The following PKD1L1 variants were observed in gnomAD, a reference collection of about 807,000 sequenced individuals.
The protein encoded by PKD1L1 is polycystin 1 like 1, transient receptor potential channel interacting.
Under a neutral mutation model 323.4 loss-of-function variants are expected in PKD1L1, and 236 were observed. The observed-to-expected ratio is 0.73, with a 90% CI of 0.66 to 0.81. PKD1L1 has a LOEUF of 0.81. Ranked by LOEUF, PKD1L1 falls within the 40% of genes least tolerant of loss-of-function variation. PKD1L1 has a pLI of 0.00. For synonymous variants in PKD1L1, 1,344 were observed against 1,335.0 expected (o/e 1.01, Z -0.15); for missense variants, 3,320 against 3,508.0 (o/e 0.95, Z 1.35).
intron 31 of PKD1L1, among the ~76,000 whole-genome samples, 174 bp from the exon 32 acceptor site, chr7:47,847,245 G>A (rs575056982): frequency 6.6e-6 from 1 of 152,238 alleles, no homozygotes; most frequent in Non-Finnish European, 1.5e-5. Context: ...ATTTAAATTT[G>A]GATTAAATCC....
At chr7:47,879,406 T>G (rs1206519401) in intron 21 of PKD1L1, among the ~76,000 whole-genome samples, 1 of 151,966 alleles carries the variant, frequency 6.6e-6, no homozygotes, top group African/African-American at 2.4e-5. Flanking sequence ...GGCAGGTGGA[T>G]CGCTCACTTG....
chr7:47,922,486 C>G (rs939463063), intron 7 of PKD1L1, among the ~76,000 whole-genome samples: 117 of 151,888 alleles, frequency 7.7e-4, no homozygotes, highest in Non-Finnish European at 1.4e-3. Flanking sequence ...GCCCGGCTGC[C>G]CATCGTCTGG....
intron 56 of PKD1L1, 68 bp from the exon 57 acceptor site, chr7:47,775,234 G>A: frequency 6.3e-7 from 1 of 1,589,538 alleles, no homozygotes; most frequent in Admixed American, 1.7e-5. Context: ...GAACAAATAG[G>A]CAGAAAGGCA....
intron 12 of PKD1L1, among the ~76,000 whole-genome samples, 160 bp downstream of exon 12, chr7:47,904,218 C>T (rs1237115555): frequency 2.0e-5 from 3 of 152,196 alleles, no homozygotes; most frequent in East Asian, 3.8e-4. Context: ...CTAGGAGCTC[C>T]TTGAGAAGCA....
chr7:47,836,924 C>T lies in PKD1L1; in HGVS notation c.5940G>A (p.Glu1980=). The change falls in exon 37 of 57, where the codon GAG becomes GAA. Residue 1980 remains glutamate, a synonymous_variant. Transcript: ENST00000289672. ...LTALVAAGGQ[E]QPHLDVSPTL... is the part of the protein sequence containing the mutation. The stretch of plus-strand genomic sequence containing the variant: ...AAGGAAAAGCGATGGCTCTCACCTG[C>T]TCTTGCCCTCCAGCAGCAACCAGGG... The T allele has an allele frequency of 2.5e-6, 4 of 1,613,562 alleles. No individual in the cohort carries two copies. Among genetic ancestry groups the T allele is most frequent in the Non-Finnish European group, 3.4e-6 (4 of 1,179,860 alleles).
rs776179207 is a variant in PKD1L1 at position 47,854,990 on chromosome 7, T to C, written c.4751A>G (p.Asn1584Ser). Residue 1584 changes from asparagine (N) to serine (S), a missense_variant, in exon 30 of 57, where the codon AAT (asparagine) becomes AGT (serine). Physicochemically the swap from Asn to Ser is conservative, Grantham distance 46. Coordinates refer to ENST00000289672, the MANE Select transcript of PKD1L1 (RefSeq NM_138295.5). ...GGAAAGCTCAGTGAACTGATGGAGATTCACTTTATCCCGAAGTAATACAAA... is the reference window on the plus strand; with the variant it reads ...GGAAAGCTCAGTGAACTGATGGAGACTCACTTTATCCCGAAGTAATACAAA... ...TTFVLLRDKV[N>S]LHQFTELSEN... 2.2e-5 allele frequency: 35 copies of C among 1,613,944 alleles called. No homozygotes were observed. Among genetic ancestry groups the C allele is most frequent in the Non-Finnish European group, 2.8e-5 (33 of 1,180,008 alleles).
chr7:47,876,147 G>A lies in PKD1L1; in HGVS notation c.3734C>T (p.Thr1245Ile), dbSNP rs774595497. 46 of 1,613,998 alleles carry A rather than the reference G, an allele frequency of 2.9e-5. No homozygotes were observed. Among genetic ancestry groups the A allele is most frequent in the Non-Finnish European group, 5.9e-6 (7 of 1,180,008 alleles). The change falls in exon 23 of 57, where the codon ACC becomes ATC. Residue 1245 changes from threonine to isoleucine, a missense_variant. Coordinates refer to ENST00000289672, the MANE Select transcript of PKD1L1 (RefSeq NM_138295.5). ...AGCTGGCAACACAAAATAATACTGG[G>A]TGTCTCTCCCATGGTACAAAGTGTG... is the stretch of plus-strand genomic sequence containing the variant. ...SKHTLYHGRD[T>I]QYYFVLPAGE...
chr7:47,777,003 C>T (rs1258160658), intron 56 of PKD1L1, among the ~76,000 whole-genome samples: 1 of 152,044 alleles, frequency 6.6e-6, no homozygotes, highest in Non-Finnish European at 1.5e-5. Flanking sequence ...TCAATTCTCC[C>T]GCCTCAGCTT....
intron 56 of PKD1L1, among the ~76,000 whole-genome samples, chr7:47,782,002 A>G (rs896351661): frequency 1.1e-4 from 17 of 152,278 alleles, no homozygotes; most frequent in Non-Finnish European, 2.4e-4. Flanking sequence ...TGGGATCTCT[A>G]TTCCTGGGAT....
intron 30 of PKD1L1, 150 bp from the exon 31 acceptor site, chr7:47,853,377 T>C (rs17131855): frequency 4.8e-6 from 3 of 623,116 alleles, no homozygotes; most frequent in Admixed American, 2.8e-5. Flanking sequence ...GTCAATGTGC[T>C]TAATTCCACA....
At chr7:47,939,854 G>A (rs1787947223) in intron 3 of PKD1L1, among the ~76,000 whole-genome samples, 1 of 151,692 alleles carries the variant, frequency 6.6e-6, no homozygotes, top group African/African-American at 2.4e-5. Flanking sequence ...CCCCACCTGA[G>A]GGCTACCCTC....
At chr7:47,849,301 T>C (rs1323749957) in intron 31 of PKD1L1, among the ~76,000 whole-genome samples, 2 of 152,178 alleles carry the variant, frequency 1.3e-5, no homozygotes, top group African/African-American at 2.4e-5. Flanking sequence ...AAATAATTCA[T>C]GACCAAGACC....
chr7:47,835,269 AC>A (rs1785434203), intron 37 of PKD1L1, 26 bp from the exon 38 acceptor site: 2 of 1,472,630 alleles, frequency 1.4e-6, no homozygotes, highest in Non-Finnish European at 1.9e-6. Flanking sequence ...AGCAGCCATT[AC>A]ATCAACTCAA....
intron 2 of PKD1L1, among the ~76,000 whole-genome samples, chr7:47,942,105 C>T (rs1481363153): frequency 6.6e-6 from 1 of 152,176 alleles, no homozygotes; most frequent in Admixed American, 6.5e-5. Context: ...CAGCCAGGCC[C>T]CTCATTCCTC....
chr7:47,815,988 G>C (rs1209942090), intron 46 of PKD1L1, among the ~76,000 whole-genome samples: 1 of 152,174 alleles, frequency 6.6e-6, no homozygotes, highest in Non-Finnish European at 1.5e-5. Flanking sequence ...TCTGAGAGAG[G>C]GTATTAAAGG....
intron 54 of PKD1L1, among the ~76,000 whole-genome samples, chr7:47,797,358 T>C (rs1784566431): frequency 1.3e-5 from 2 of 152,226 alleles, no homozygotes; most frequent in Non-Finnish European, 2.9e-5. Flanking sequence ...CAGATAAAGC[T>C]TGTGTGTGTT....
chr7:47,848,379 C>T (rs916241021), intron 31 of PKD1L1, among the ~76,000 whole-genome samples: 16 of 151,960 alleles, frequency 1.1e-4, no homozygotes, highest in Admixed American at 8.5e-4. Flanking sequence ...TAAATACATA[C>T]GGAGTGATTT....
intron 4 of PKD1L1, among the ~76,000 whole-genome samples, chr7:47,935,783 T>C (rs772931314): frequency 3.9e-5 from 6 of 152,266 alleles, no homozygotes; most frequent in Non-Finnish European, 8.8e-5. Context: ...GGAGCAATAT[T>C]ATAGCAGCAA....
At chr7:47,821,846 C>T (rs1276177258) in intron 45 of PKD1L1, among the ~76,000 whole-genome samples, 1 of 151,954 alleles carries the variant, frequency 6.6e-6, no homozygotes, top group East Asian at 1.9e-4. Flanking sequence ...CACCACCACG[C>T]CATGCTAATT....
Sources: allele counts gnomAD v4.1 joint callset (sites outside exome capture counted in the v4.1 genomes callset), GRCh38; gene constraint gnomAD v4.1.1; transcripts MANE v1.5; gene names NCBI Gene and HGNC (gene_info 2026-07-23, HGNC 2026-07-21).